The following ROBO1 variants were observed in gnomAD, a reference collection of about 807,000 sequenced individuals.
The protein encoded by ROBO1 is roundabout homolog 1.
A neutral mutation model predicts 195.9 loss-of-function variants in ROBO1; 149 were observed. The observed-to-expected ratio is 0.76, with a 90% confidence interval of 0.67 to 0.87. The LOEUF is 0.87. ROBO1 is among the 40% of genes least tolerant of loss of function. The pLI is 0.00. For missense variants in ROBO1, 1,933 were observed against 2,068.3 expected, an observed-to-expected ratio of 0.93 and a Z score of 1.27; for synonymous variants, 816 against 733.2, an observed-to-expected ratio of 1.11 and a Z score of -1.82.
At chr3:79,285,111 TTC>T in intron 2 of ROBO1, among the ~76,000 whole-genome samples, 1 of 152,176 alleles carries the variant, frequency 6.6e-6, no homozygotes, top group African/African-American at 2.4e-5. Context: ...TATTTTAACT[TTC>T]TCAGTAATTT....
At chr3:78,651,598 A>G (rs1706662719) in intron 19 of ROBO1, 134 bp downstream of exon 19, 2 of 614,962 alleles carry the variant, frequency 3.3e-6, no homozygotes, top group Non-Finnish European at 2.7e-6. Context: ...AGCACAATAA[A>G]CGCACTTTTG....
chr3:79,489,392 A>G (rs1939330882), intron 2 of ROBO1, among the ~76,000 whole-genome samples: 1 of 152,134 alleles, frequency 6.6e-6, no homozygotes. Flanking sequence ...GCAGTGGCTA[A>G]CGCCTGTAAT....
chr3:79,258,191 C>T (rs990506834), intron 2 of ROBO1, among the ~76,000 whole-genome samples: 1 of 152,146 alleles, frequency 6.6e-6, no homozygotes, highest in African/African-American at 2.4e-5. Context: ...CTTCTTACAC[C>T]TACATTTGAC....
intron 2 of ROBO1, among the ~76,000 whole-genome samples, chr3:79,430,522 G>T (rs2107023362): frequency 6.6e-6 from 1 of 152,182 alleles, no homozygotes; most frequent in African/African-American, 2.4e-5. Context: ...CTACCATATA[G>T]AAAGCCCCAA....
chr3:78,735,243 C>T (rs551928515), intron 5 of ROBO1, among the ~76,000 whole-genome samples: 9 of 152,208 alleles, frequency 5.9e-5, no homozygotes, highest in Admixed American at 5.2e-4. Flanking sequence ...CTTAAAATAA[C>T]GCTTTATAAT....
At chr3:79,305,487 C>CAAAAA (rs755731665) in intron 2 of ROBO1, among the ~76,000 whole-genome samples, 20 of 55,588 alleles carry the variant, frequency 3.6e-4, no homozygotes, top group South Asian at 8.3e-4. Flanking sequence ...AACTCCATCT[C>CAAAAA]AAAAAAAAAA....
At chr3:78,947,598 G>A (rs138352327) in intron 3 of ROBO1, among the ~76,000 whole-genome samples, 38 of 151,980 alleles carry the variant, frequency 2.5e-4, no homozygotes, top group East Asian at 1.4e-3. Flanking sequence ...ACACCCTAAC[G>A]TCACAATTAA....
chr3:79,268,257 A>C lies in ROBO1; in HGVS notation c.89-142718T>G, dbSNP rs1050338107. 6.6e-5 allele frequency among the ~76,000 whole-genome samples: 10 copies of C among 151,722 alleles called. No homozygotes were observed. In the Admixed American group the frequency reaches 6.6e-4, roughly 10 times the overall value. ...TATTTTGGTGTTTCAAGATTCAGAC[A>C]CATCAAAATTGTAGATTTTTAAACA... On this transcript the variant is annotated intron_variant, in intron 2 of 30. Transcript: ENST00000464233.
At chr3:79,653,995 C>T (rs552172730) in intron 1 of ROBO1, among the ~76,000 whole-genome samples, 1 of 152,014 alleles carries the variant, frequency 6.6e-6, no homozygotes, top group East Asian at 1.9e-4. Flanking sequence ...AATATTGAAG[C>T]TATCGATTTG....
chr3:79,117,618 G>T (rs1283717269), intron 3 of ROBO1, among the ~76,000 whole-genome samples: 2 of 152,138 alleles, frequency 1.3e-5, no homozygotes, highest in African/African-American at 4.8e-5. Flanking sequence ...ACTTTTGCTT[G>T]TTACTGTGGC....
chr3:79,351,481 TTTTG>T (rs1158354683), intron 2 of ROBO1, among the ~76,000 whole-genome samples: 9 of 152,206 alleles, frequency 5.9e-5, no homozygotes, highest in Non-Finnish European at 8.8e-5. Flanking sequence ...AAGTCATTTT[TTTTG>T]TTTGTTTATT....
At position 78,978,263 on chromosome 3, in the gene ROBO1, G is replaced by C. The variant is rs1186753074; in HGVS notation, c.173-39336C>G. On this transcript the variant is annotated intron_variant, in intron 3 of 30. Transcript: ENST00000464233. ...AATTAACCAAGGTAGTGGGGGGATG[G>C]AGAAATGAAGAGGGAAATCCATGTG... Among the ~76,000 whole-genome samples the C allele has an allele frequency of 7.2e-5, 11 of 152,076 alleles. No individual in the cohort carries two copies. In the East Asian group the frequency reaches 2.1e-3, roughly 29 times the overall value.
chr3:79,588,308 C>T (rs1943893612), intron 2 of ROBO1, among the ~76,000 whole-genome samples: 1 of 151,620 alleles, frequency 6.6e-6, no homozygotes, highest in Admixed American at 6.6e-5. Context: ...CCTAGATAAA[C>T]CTTGTACCTT....
intron 3 of ROBO1, among the ~76,000 whole-genome samples, chr3:79,037,504 A>G (rs1001455706): frequency 2.0e-5 from 3 of 152,158 alleles, no homozygotes; most frequent in Non-Finnish European, 4.4e-5. Flanking sequence ...ATTCACTCAA[A>G]TATTCTTTTT....
At chr3:79,594,724 T>C (rs1396169021) in intron 1 of ROBO1, among the ~76,000 whole-genome samples, 1 of 152,012 alleles carries the variant, frequency 6.6e-6, no homozygotes, top group Non-Finnish European at 1.5e-5. Flanking sequence ...TTGGGTGAGA[T>C]GTGTGCAGAG....
chr3:79,100,356 T>C (rs1169137462), intron 3 of ROBO1, among the ~76,000 whole-genome samples: 1 of 151,808 alleles, frequency 6.6e-6, no homozygotes, highest in Non-Finnish European at 1.5e-5. Context: ...AGCAACATAA[T>C]CAATTTGGAT....
intron 4 of ROBO1, among the ~76,000 whole-genome samples, chr3:78,935,468 T>C (rs1251322655): frequency 1.3e-5 from 2 of 152,072 alleles, no homozygotes; most frequent in African/African-American, 4.8e-5. Context: ...ACATATTAAA[T>C]ATAAGTTGTG....
intron 3 of ROBO1, among the ~76,000 whole-genome samples, chr3:79,108,508 C>T (rs947556444): frequency 6.6e-6 from 1 of 151,570 alleles, no homozygotes; most frequent in Non-Finnish European, 1.5e-5. Flanking sequence ...AGAAGCATCC[C>T]TTTTTAGTGT....
chr3:78,913,118 A>C (rs897884465), intron 4 of ROBO1, among the ~76,000 whole-genome samples: 1 of 152,182 alleles, frequency 6.6e-6, no homozygotes, highest in African/African-American at 2.4e-5. Context: ...CTTTCCAGCC[A>C]ACAAATGGAG....
Sources: gnomAD v4.1 joint callset for allele counts (sites outside exome capture counted in the v4.1 genomes callset) on GRCh38, gnomAD v4.1.1 for gene constraint, MANE v1.5 for transcripts, NCBI Gene and HGNC (gene_info 2026-07-23, HGNC 2026-07-21) for gene names.